Variants in GUCY1A1 observed in about 807,000 individuals in gnomAD.
GUCY1A1 encodes guanylate cyclase 1 soluble subunit alpha 1.
Under a neutral mutation model 64.5 loss-of-function variants are expected in GUCY1A1, and 48 were observed. The ratio of observed to expected loss-of-function variants is 0.74; its 90% CI spans 0.59 to 0.95. The LOEUF is 0.95. Ranked by LOEUF, GUCY1A1 falls within the 40% of genes least tolerant of loss-of-function variation. The pLI is 0.00. For synonymous variants in GUCY1A1, 308 were observed against 303.4 expected (o/e 1.02, Z -0.16); for missense variants, 804 against 825.3 (o/e 0.97, Z 0.32).
At chr4:155,694,437 G>T (rs747987550) in intron 2 of GUCY1A1, among the ~76,000 whole-genome samples, 3 of 152,150 alleles carry the variant, frequency 2.0e-5, no homozygotes, top group Non-Finnish European at 4.4e-5. Flanking sequence ...CTGGACCTGC[G>T]TAGGCTGTTA....
At chr4:155,690,303 C>T (rs527699531) in intron 2 of GUCY1A1, among the ~76,000 whole-genome samples, 14 of 152,240 alleles carry the variant, frequency 9.2e-5, no homozygotes, top group Admixed American at 4.6e-4. Context: ...CCCAGGCCTG[C>T]GGATTCTCTC....
intron 5 of GUCY1A1, 28 bp from the exon 6 acceptor site, chr4:155,710,514 T>C (rs769680216): frequency 1.0e-5 from 13 of 1,287,790 alleles, no homozygotes; most frequent in African/African-American, 3.0e-5. Context: ...ATATTTGATA[T>C]GGCAGAACAT....
At chr4:155,715,544 A>C (rs1733121376) in intron 7 of GUCY1A1, among the ~76,000 whole-genome samples, 1 of 152,180 alleles carries the variant, frequency 6.6e-6, no homozygotes, top group Non-Finnish European at 1.5e-5. Context: ...AGAGGGCACA[A>C]TGGACCAATG....
chr4:155,735,449 A>G lies in GUCY1A1; in HGVS notation c.*5218A>G, dbSNP rs1350534127. 1 of 151,984 alleles carries G rather than the reference A, an allele frequency of 6.6e-6. No individual in the cohort carries two copies. 9.4% of individuals were successfully genotyped at this position (151,984 alleles called of 1,614,324 possible). A position where few individuals can be genotyped will look rare whatever the true frequency, so the allele number is the denominator to read the frequency against. ...TTTAAACATTGGGGTAGAAATCAGG[A>G]CAAAATTTAAATGTCATATCCAGGA... On this transcript the variant is annotated 3_prime_UTR_variant, in exon 10 of 10. Transcript: ENST00000506455.
chr4:155,702,855 C>T (rs1039599227), intron 3 of GUCY1A1, among the ~76,000 whole-genome samples: 1 of 151,924 alleles, frequency 6.6e-6, no homozygotes, highest in East Asian at 1.9e-4. Context: ...GGAAACTCTA[C>T]AAGAGATATA....
chr4:155,700,842 A>G (rs1033325718), intron 3 of GUCY1A1, among the ~76,000 whole-genome samples: 5 of 152,224 alleles, frequency 3.3e-5, no homozygotes, highest in African/African-American at 1.2e-4. Context: ...CTGCTACACA[A>G]TGTTTACATA....
Position 155,713,292 on chromosome 4 carries a change from G to A in GUCY1A1, c.1281G>A (p.Lys427=). ...EQARAQDGLK[K]RLGKLKATLE... is the part of the protein sequence containing the mutation. ...CCCGAGCTCAAGATGGCCTGAAGAAGAGGCTGGGGAAGCTGAAGGCTACCC... is the reference window on the plus strand; with the variant it reads ...CCCGAGCTCAAGATGGCCTGAAGAAAAGGCTGGGGAAGCTGAAGGCTACCC... Residue 427 remains lysine (K), a synonymous_variant, in exon 7 of 10, where the codon AAG becomes AAA. Coordinates refer to ENST00000506455, the MANE Select transcript of GUCY1A1 (RefSeq NM_001130682.3). The A allele has an allele frequency of 6.2e-7, 1 of 1,614,182 alleles. No homozygotes were observed. The highest frequency in any genetic ancestry group is 8.5e-7 in the Non-Finnish European group (1 of 1,180,030).
chr4:155,717,421 A>G (rs2306556), intron 8 of GUCY1A1, 119 bp downstream of exon 8: 99,185 of 549,196 alleles, frequency 0.18, 9,673 homozygotes, highest in East Asian at 0.22. Context: ...AGCAAAATCT[A>G]TATAGAGAAC....
chr4:155,691,325 C>T (rs1389666589), intron 2 of GUCY1A1, among the ~76,000 whole-genome samples: 1 of 152,172 alleles, frequency 6.6e-6, no homozygotes, highest in Non-Finnish European at 1.5e-5. Context: ...ACCAATTTTT[C>T]TACTACTTTG....
At chr4:155,723,145 A>G (rs554677846) in intron 9 of GUCY1A1, among the ~76,000 whole-genome samples, 5 of 152,258 alleles carry the variant, frequency 3.3e-5, no homozygotes, top group Admixed American at 2.6e-4. Context: ...AGATACTCCT[A>G]TAACTCAAAA....
intron 2 of GUCY1A1, among the ~76,000 whole-genome samples, chr4:155,680,538 C>CT (rs1735586206): frequency 6.6e-6 from 1 of 151,700 alleles, no homozygotes; most frequent in Non-Finnish European, 1.5e-5. Context: ...ACTGACACTC[C>CT]TGCACAGTCA....
intron 2 of GUCY1A1, among the ~76,000 whole-genome samples, chr4:155,675,481 A>G (rs1391577888): frequency 2.0e-5 from 3 of 151,600 alleles, no homozygotes; most frequent in Admixed American, 1.3e-4. Flanking sequence ...TGATTAGCAA[A>G]AGGCAGGCTT....
intron 2 of GUCY1A1, among the ~76,000 whole-genome samples, chr4:155,688,481 A>G (rs1433793250): frequency 1.3e-5 from 2 of 152,206 alleles, no homozygotes; most frequent in Non-Finnish European, 2.9e-5. Context: ...TATTTAATCA[A>G]GGATTTGTTG....
intron 2 of GUCY1A1, among the ~76,000 whole-genome samples, chr4:155,689,408 T>C (rs572353484): frequency 1.3e-5 from 2 of 152,320 alleles, no homozygotes; most frequent in Admixed American, 1.3e-4. Flanking sequence ...GCATCATAAG[T>C]AGTGATGATA....
At chr4:155,691,710 C>G (rs145300755) in intron 2 of GUCY1A1, among the ~76,000 whole-genome samples, 5 of 152,172 alleles carry the variant, frequency 3.3e-5, no homozygotes, top group Admixed American at 6.5e-5. Context: ...ACATTTGATA[C>G]AGCTAATTGC....
rs1396338982 is a variant in GUCY1A1, at chr4:155,732,758, T to C, written c.*2527T>C. Among the ~76,000 whole-genome samples the C allele has an allele frequency of 2.0e-5, 3 of 151,922 alleles. No individual in the cohort carries two copies. The highest frequency in any genetic ancestry group is 7.2e-5 in the African/African-American group (3 of 41,428). ...ATTTAACTATTCTAAAAAATAAGAC[T>C]GGGTCTCAAGACTGCTTCCCTAACA... On this transcript the variant is annotated 3_prime_UTR_variant, in exon 10 of 10. Coordinates refer to ENST00000506455, the MANE Select transcript of GUCY1A1 (RefSeq NM_001130682.3).
At chr4:155,728,651 T>C (rs6844366) in intron 9 of GUCY1A1, among the ~76,000 whole-genome samples, 75,119 of 151,678 alleles carry the variant, frequency 0.5, 20,178 homozygotes, top group African/African-American at 0.71. Flanking sequence ...GCTCCACCAG[T>C]AGTGTATGAA....
chr4:155,722,433 C>G, intron 9 of GUCY1A1: 1 of 1,324,314 alleles, frequency 7.6e-7, no homozygotes. Context: ...ATTACATAGT[C>G]TTCCATCATT....
intron 2 of GUCY1A1, among the ~76,000 whole-genome samples, chr4:155,683,575 A>C (rs1443589931): frequency 1.3e-5 from 2 of 152,208 alleles, no homozygotes; most frequent in Non-Finnish European, 2.9e-5. Context: ...GATAATGAGG[A>C]AAGTTATTTA....
Sources: gnomAD v4.1 joint callset for allele counts (sites outside exome capture counted in the v4.1 genomes callset) on GRCh38, gnomAD v4.1.1 for gene constraint, MANE v1.5 for transcripts, NCBI Gene and HGNC (gene_info 2026-07-23, HGNC 2026-07-21) for gene names.